Variants in ATP10B observed in about 807,000 individuals in gnomAD.
ATP10B encodes phospholipid-transporting ATPase VB.
In ATP10B, 122 loss-of-function variants were observed where a neutral mutation model predicts 141.2. The ratio of observed to expected loss-of-function variants is 0.86; its 90% confidence interval spans 0.75 to 1.00. ATP10B has a LOEUF of 1.00. Ranked by LOEUF, ATP10B falls within the 50% of genes least tolerant of loss-of-function variation. The pLI, the probability that ATP10B is intolerant of heterozygous loss-of-function variation, is 0.00. For missense variants in ATP10B, 1,876 were observed against 1,825.3 expected, an observed-to-expected ratio of 1.03 and a Z score of -0.51; for synonymous variants, 685 against 692.0, an observed-to-expected ratio of 0.99 and a Z score of 0.16.
At position 160,793,478 on chromosome 5, in the gene ATP10B, T is replaced by C. The variant is rs551057992; in HGVS notation, c.-575-7675A>G. On this transcript the variant is annotated intron_variant, in intron 1 of 25. Transcript: ENST00000327245. ...TTAACTATCCATTATGAAGTATTTA[T>C]ATTGTAAATACAGTCATACGCTAAA... Among the ~76,000 whole-genome samples the C allele has an allele frequency of 5.8e-4, 88 of 152,354 alleles. 2 individuals are homozygous for C. The South Asian group carries it at 0.012, about 22-fold the overall frequency.
At chr5:160,819,786 A>G (rs1455249030) in intron 1 of ATP10B, among the ~76,000 whole-genome samples, 1 of 152,156 alleles carries the variant, frequency 6.6e-6, no homozygotes, top group Non-Finnish European at 1.5e-5. Context: ...ATAAGACAGT[A>G]TTTGCAAGCC....
intron 2 of ATP10B, among the ~76,000 whole-genome samples, chr5:160,747,065 GC>G (rs775369526): frequency 2.6e-5 from 4 of 152,144 alleles, no homozygotes; most frequent in Non-Finnish European, 5.9e-5. Flanking sequence ...TGGATTCTTG[GC>G]TTCTCATTTG....
intron 7 of ATP10B, 36 bp downstream of exon 7, chr5:160,670,427 T>A: frequency 6.2e-7 from 1 of 1,608,294 alleles, no homozygotes; most frequent in Middle Eastern, 1.7e-4. Flanking sequence ...ATCCTTTCTA[T>A]GACTTTACCA....
chr5:160,608,878 G>T (rs1757554027), intron 18 of ATP10B, among the ~76,000 whole-genome samples: 1 of 152,150 alleles, frequency 6.6e-6, no homozygotes, highest in African/African-American at 2.4e-5. Context: ...CCATTCTGTA[G>T]GTTGCCTGTT....
At chr5:160,580,718 G>A (rs1402263200) in intron 24 of ATP10B, among the ~76,000 whole-genome samples, 2 of 152,186 alleles carry the variant, frequency 1.3e-5, no homozygotes, top group Non-Finnish European at 2.9e-5. Context: ...GTTTGGAATA[G>A]TTTCAGAAGA....
intron 1 of ATP10B, among the ~76,000 whole-genome samples, chr5:160,815,778 C>A (rs1773569182): frequency 6.6e-6 from 1 of 152,182 alleles, no homozygotes; most frequent in Non-Finnish European, 1.5e-5. Context: ...CAATCCTCAG[C>A]AAATGTAAAA....
chr5:160,914,712 C>T, the ATP10B span, among the ~76,000 whole-genome samples: 2 of 152,166 alleles, frequency 1.3e-5, no homozygotes, highest in African/African-American at 2.4e-5. Flanking sequence ...CAAGATCATA[C>T]GCCCAGGTAC....
chr5:160,617,247 C>G (rs1232247405), intron 16 of ATP10B, among the ~76,000 whole-genome samples: 1 of 152,236 alleles, frequency 6.6e-6, no homozygotes, highest in Non-Finnish European at 1.5e-5. Flanking sequence ...TCACTGCCTG[C>G]CTGCCTTGCA....
chr5:160,885,748 T>C, the ATP10B span, among the ~76,000 whole-genome samples: 5 of 152,218 alleles, frequency 3.3e-5, no homozygotes, highest in Non-Finnish European at 7.3e-5. Flanking sequence ...TTCATCCTAG[T>C]TGATGGGATA....
intron 22 of ATP10B, 58 bp from the exon 23 acceptor site, chr5:160,591,197 C>A: frequency 6.8e-7 from 1 of 1,469,664 alleles, no homozygotes; most frequent in Non-Finnish European, 9.3e-7. Flanking sequence ...CTATTCTTTG[C>A]AAGCAACTTT....
chr5:160,642,728 C>T (rs549738379), intron 9 of ATP10B, among the ~76,000 whole-genome samples: 366 of 152,266 alleles, frequency 2.4e-3, no homozygotes, highest in Non-Finnish European at 3.8e-3. Context: ...TTCCAACTGT[C>T]GTATTAGGCC....
intron 21 of ATP10B, among the ~76,000 whole-genome samples, chr5:160,602,266 T>C (rs1757136540): frequency 6.6e-6 from 1 of 152,226 alleles, no homozygotes; most frequent in African/African-American, 2.4e-5. Context: ...CATTATCACA[T>C]ATGGGAATCT....
At chr5:160,923,136 A>G in the ATP10B span, among the ~76,000 whole-genome samples, 79 of 152,320 alleles carry the variant, frequency 5.2e-4, no homozygotes, top group African/African-American at 1.8e-3. Context: ...TGTGCTTGCC[A>G]TCGATCGGAA....
intron 7 of ATP10B, among the ~76,000 whole-genome samples, chr5:160,659,629 G>A (rs1277565647): frequency 2.0e-5 from 3 of 152,046 alleles, no homozygotes; most frequent in Admixed American, 1.3e-4. Flanking sequence ...GTGGGTGTGT[G>A]AGGAGAGTGT....
At chr5:160,568,316 CAT>C (rs1253048860) in intron 25 of ATP10B, among the ~76,000 whole-genome samples, 1 of 151,910 alleles carries the variant, frequency 6.6e-6, no homozygotes, top group Non-Finnish European at 1.5e-5. Flanking sequence ...ATGGAGAGAA[CAT>C]AAAGTTAGAA....
intron 2 of ATP10B, among the ~76,000 whole-genome samples, chr5:160,733,047 T>C (rs1766850997): frequency 6.6e-6 from 1 of 152,188 alleles, no homozygotes; most frequent in African/African-American, 2.4e-5. Context: ...GCTTTGGGTA[T>C]TATGGATATT....
intron 1 of ATP10B, among the ~76,000 whole-genome samples, chr5:160,802,457 C>T (rs1373748218): frequency 6.6e-6 from 1 of 152,160 alleles, no homozygotes; most frequent in Non-Finnish European, 1.5e-5. Context: ...GGTTGTCGCA[C>T]CTGGGGAAGT....
At chr5:160,797,856 T>G (rs1369730145) in intron 1 of ATP10B, among the ~76,000 whole-genome samples, 2 of 149,816 alleles carry the variant, frequency 1.3e-5, no homozygotes, top group African/African-American at 2.5e-5. Flanking sequence ...CTTGGGAGAC[T>G]GAGGCAGGAG....
chr5:160,865,731 A>T, the ATP10B span, among the ~76,000 whole-genome samples: 1 of 152,114 alleles, frequency 6.6e-6, no homozygotes. Context: ...AAGAAAAAAA[A>T]TAATCCCATC....
Sources: allele counts gnomAD v4.1 joint callset (sites outside exome capture counted in the v4.1 genomes callset), GRCh38; gene constraint gnomAD v4.1.1; transcripts MANE v1.5; gene names NCBI Gene and HGNC (gene_info 2026-07-23, HGNC 2026-07-21).